The following RSRC1 variants were observed in gnomAD, a reference collection of about 807,000 sequenced individuals.
RSRC1 encodes the protein serine/Arginine-related protein 53.
A neutral mutation model predicts 49.1 loss-of-function variants in RSRC1; 39 were observed. The ratio of observed to expected loss-of-function variants is 0.79; its 90% CI spans 0.61 to 1.04. The LOEUF (loss-of-function observed/expected upper bound fraction) is 1.04. RSRC1 is among the 50% of genes least tolerant of loss of function. The pLI, the probability that RSRC1 is intolerant of heterozygous loss-of-function variation, is 0.00. For synonymous variants in RSRC1, 143 were observed against 130.8 expected, an observed-to-expected ratio of 1.09 and a Z score of -0.63; for missense variants, 388 against 402.4, an observed-to-expected ratio of 0.96 and a Z score of 0.31.
intron 3 of RSRC1, among the ~76,000 whole-genome samples, chr3:158,134,150 T>TA (rs1716214993): frequency 6.6e-6 from 1 of 152,202 alleles, no homozygotes; most frequent in East Asian, 1.9e-4. Context: ...GGATAGTTCT[T>TA]ATTAGAGCAT....
chr3:158,190,094 T>C (rs1461236079), intron 3 of RSRC1, among the ~76,000 whole-genome samples: 1 of 151,958 alleles, frequency 6.6e-6, no homozygotes, highest in Non-Finnish European at 1.5e-5. Flanking sequence ...ATTAAAGCCA[T>C]TGTTTTGCTG....
intron 5 of RSRC1, among the ~76,000 whole-genome samples, chr3:158,299,400 C>G (rs1405923802): frequency 2.0e-5 from 3 of 151,992 alleles, no homozygotes; most frequent in Non-Finnish European, 4.4e-5. Flanking sequence ...GTGGTGCGAT[C>G]TCAGCTCATT....
chr3:158,500,887 T>C (rs1306668072), intron 7 of RSRC1, among the ~76,000 whole-genome samples: 1 of 152,168 alleles, frequency 6.6e-6, no homozygotes, highest in Non-Finnish European at 1.5e-5. Context: ...GGTTATGTCC[T>C]TTCTTCTGCT....
At chr3:158,220,162 A>C (rs1359838921) in intron 4 of RSRC1, among the ~76,000 whole-genome samples, 1 of 151,652 alleles carries the variant, frequency 6.6e-6, no homozygotes, top group Non-Finnish European at 1.5e-5. Context: ...TGTATTAAGG[A>C]AGGGTTTGTA....
At chr3:158,264,797 A>G (rs958519823) in intron 4 of RSRC1, among the ~76,000 whole-genome samples, 3 of 152,208 alleles carry the variant, frequency 2.0e-5, no homozygotes, top group Admixed American at 1.3e-4. Flanking sequence ...CTGAGGAATG[A>G]ACGTCCTGGG....
At chr3:158,304,877 T>A (rs1300181033) in intron 5 of RSRC1, among the ~76,000 whole-genome samples, 1 of 152,182 alleles carries the variant, frequency 6.6e-6, no homozygotes, top group Non-Finnish European at 1.5e-5. Context: ...TAACACACAG[T>A]GCATCCTATG....
intron 4 of RSRC1, among the ~76,000 whole-genome samples, chr3:158,226,391 G>A (rs907562337): frequency 6.6e-6 from 1 of 151,898 alleles, no homozygotes; most frequent in African/African-American, 2.4e-5. Context: ...TAGGTGTATG[G>A]CTAAGGCAAT....
At chr3:158,302,346 C>T (rs1727600559) in intron 5 of RSRC1, among the ~76,000 whole-genome samples, 2 of 152,126 alleles carry the variant, frequency 1.3e-5, no homozygotes, top group Non-Finnish European at 2.9e-5. Context: ...GTGCCTATAA[C>T]ATTTTTTAAG....
intron 6 of RSRC1, among the ~76,000 whole-genome samples, chr3:158,441,285 T>C (rs1447377393): frequency 6.6e-6 from 1 of 152,148 alleles, no homozygotes; most frequent in East Asian, 1.9e-4. Context: ...TATTGAGTAC[T>C]AGGGTTAAAC....
intron 6 of RSRC1, among the ~76,000 whole-genome samples, chr3:158,392,845 A>G (rs557486375): frequency 5.9e-5 from 9 of 152,162 alleles, no homozygotes; most frequent in Non-Finnish European, 1.3e-4. Context: ...AGACACCTGC[A>G]GAACTCTCCA....
At chr3:158,134,432 A>G (rs1375693481) in intron 3 of RSRC1, among the ~76,000 whole-genome samples, 2 of 152,168 alleles carry the variant, frequency 1.3e-5, no homozygotes, top group African/African-American at 2.4e-5. Context: ...TGTTGTGTAA[A>G]TAGTATTTTA....
At chr3:158,543,669 A>G (rs979893069) in intron 9 of RSRC1, 182 bp downstream of exon 9, 51 of 526,596 alleles carry the variant, frequency 9.7e-5, no homozygotes, top group South Asian at 3.3e-4. Context: ...TGAATACAGT[A>G]GGGTCCAACT....
intron 1 of RSRC1, among the ~76,000 whole-genome samples, chr3:158,121,537 T>A (rs1715259938): frequency 6.6e-6 from 1 of 152,218 alleles, no homozygotes; most frequent in African/African-American, 2.4e-5. Context: ...ATGATGATTA[T>A]AGTTCATTGT....
At chr3:158,419,342 C>T (rs1471491243) in intron 6 of RSRC1, among the ~76,000 whole-genome samples, 3 of 151,876 alleles carry the variant, frequency 2.0e-5, no homozygotes, top group Non-Finnish European at 4.4e-5. Flanking sequence ...GATGCTCTAA[C>T]TCTCAGATAT....
chr3:158,175,498 T>C (rs766461274), intron 3 of RSRC1, among the ~76,000 whole-genome samples: 13 of 152,096 alleles, frequency 8.5e-5, no homozygotes, highest in Non-Finnish European at 1.8e-4. Flanking sequence ...TTTTTGATGT[T>C]CATCCAGTTG....
chr3:158,196,400 G>C (rs1486136778), intron 3 of RSRC1, among the ~76,000 whole-genome samples: 1 of 152,176 alleles, frequency 6.6e-6, no homozygotes, highest in East Asian at 1.9e-4. Flanking sequence ...GAGATTTGGG[G>C]CTGAGACAGT....
intron 3 of RSRC1, among the ~76,000 whole-genome samples, chr3:158,194,054 T>TACACACACACACACACACACACAC (rs10530687): frequency 1.4e-5 from 2 of 144,076 alleles, no homozygotes; most frequent in African/African-American, 5.2e-5. Context: ...ACCCCGTCTA[T>TACACACACACACACACACACACAC]ACACACACAC....
chr3:158,477,762 G>A (rs1738428547), intron 7 of RSRC1, among the ~76,000 whole-genome samples: 1 of 137,434 alleles, frequency 7.3e-6, no homozygotes, highest in Admixed American at 7.7e-5. Flanking sequence ...AAGGAGAACC[G>A]TGGAGCATGG....
intron 4 of RSRC1, among the ~76,000 whole-genome samples, chr3:158,264,803 C>T (rs1725081432): frequency 6.6e-6 from 1 of 152,166 alleles, no homozygotes; most frequent in South Asian, 2.1e-4. Flanking sequence ...AATGAACGTC[C>T]TGGGTATTTT....
Sources: gnomAD v4.1 joint callset for allele counts (sites outside exome capture counted in the v4.1 genomes callset) on GRCh38, gnomAD v4.1.1 for gene constraint, MANE v1.5 for transcripts, NCBI Gene and HGNC (gene_info 2026-07-23, HGNC 2026-07-21) for gene names.